Variants in PIK3C2G observed in about 807,000 individuals in gnomAD.
PIK3C2G encodes phosphatidylinositol-4-phosphate 3-kinase catalytic subunit type 2 gamma.
Under a neutral mutation model 181.1 loss-of-function variants are expected in PIK3C2G, and 168 were observed. That is an observed-to-expected ratio of 0.93 (90% CI 0.82 to 1.05). The LOEUF is 1.05. Ranked by LOEUF, PIK3C2G falls within the 50% of genes least tolerant of loss-of-function variation. The probability of loss-of-function intolerance (pLI) is 0.00; values close to 1 mark genes in which losing one functional copy is unlikely to be tolerated. For missense variants in PIK3C2G, 1,869 were observed against 1,732.8 expected, an observed-to-expected ratio of 1.08 and a Z score of -1.40; for synonymous variants, 573 against 592.2, an observed-to-expected ratio of 0.97 and a Z score of 0.47.
At chr12:18,292,228 ATATATATAT>A (rs1374689404) in intron 4 of PIK3C2G, among the ~76,000 whole-genome samples, 3 of 28,628 alleles carry the variant, frequency 1.0e-4, no homozygotes, top group African/African-American at 2.3e-4. Flanking sequence ...AAAAAAAAAA[ATATATATAT>A]ATATATATAT....
rs535749413 is a variant in PIK3C2G, at chr12:18,587,796, C to T, written c.4012-6698C>T. ...ACAAAACAAACACCTGAATAGCCAA[C>T]CCAATCCTAAGCAAAAAACAAAACT... On this transcript the variant is annotated intron_variant, in intron 29 of 32. Transcript: ENST00000538779. 4.0e-4 allele frequency among the ~76,000 whole-genome samples: 60 copies of T among 151,592 alleles called. 1 individual carries two copies. In the South Asian group the frequency reaches 0.011, roughly 28 times the overall value.
intron 11 of PIK3C2G, among the ~76,000 whole-genome samples, chr12:18,349,874 A>G (rs1416882040): frequency 2.6e-5 from 4 of 152,180 alleles, no homozygotes; most frequent in Non-Finnish European, 1.5e-5. Context: ...CTGGCATGCA[A>G]CAGGCACTCG....
At chr12:18,575,465 C>T (rs1428396425) in intron 29 of PIK3C2G, among the ~76,000 whole-genome samples, 4 of 152,174 alleles carry the variant, frequency 2.6e-5, no homozygotes, top group Admixed American at 6.5e-5. Context: ...TGGCCTCCAA[C>T]ATAGCAGGTA....
At chr12:18,498,748 A>T (rs1488772146) in intron 22 of PIK3C2G, among the ~76,000 whole-genome samples, 1 of 152,180 alleles carries the variant, frequency 6.6e-6, no homozygotes, top group Non-Finnish European at 1.5e-5. Context: ...TTAATACCTT[A>T]CAATGACTGC....
chr12:18,681,613 A>G, the PIK3C2G span, among the ~76,000 whole-genome samples: 2 of 152,034 alleles, frequency 1.3e-5, no homozygotes, highest in South Asian at 4.1e-4. Flanking sequence ...AAATTTTAAA[A>G]TGGAACCAAA....
At chr12:18,691,006 T>A in the PIK3C2G span, among the ~76,000 whole-genome samples, 2 of 152,074 alleles carry the variant, frequency 1.3e-5, no homozygotes, top group South Asian at 4.1e-4. Flanking sequence ...AGAATAGATA[T>A]GGAGGACTGA....
intron 25 of PIK3C2G, among the ~76,000 whole-genome samples, chr12:18,541,931 A>C (rs1944174481): frequency 6.6e-6 from 1 of 151,894 alleles, no homozygotes; most frequent in African/African-American, 2.4e-5. Flanking sequence ...GGCACATGTT[A>C]CCTTTAGTCA....
At chr12:18,468,041 C>T (rs928142888) in intron 18 of PIK3C2G, among the ~76,000 whole-genome samples, 3 of 151,972 alleles carry the variant, frequency 2.0e-5, no homozygotes, top group African/African-American at 7.2e-5. Flanking sequence ...ATGACATCAT[C>T]CTGTCACTCA....
At chr12:18,431,163 G>T (rs1293285089) in intron 18 of PIK3C2G, among the ~76,000 whole-genome samples, 52 of 152,122 alleles carry the variant, frequency 3.4e-4, no homozygotes, top group Admixed American at 3.4e-3. Flanking sequence ...GTTAAGTATT[G>T]CTCTCTTCCA....
chr12:18,644,103 C>T (rs1270475734), intron 32 of PIK3C2G, among the ~76,000 whole-genome samples: 1 of 152,112 alleles, frequency 6.6e-6, no homozygotes, highest in Non-Finnish European at 1.5e-5. Context: ...TCCACCCTTC[C>T]CATACTAAGG....
intron 20 of PIK3C2G, 69 bp from the exon 21 acceptor site, chr12:18,495,993 G>C (rs1295064472): frequency 1.4e-6 from 1 of 736,498 alleles, no homozygotes; most frequent in Non-Finnish European, 2.2e-6. Context: ...TTGGGGAAAA[G>C]GTTTGCTTTT....
In PIK3C2G at chr12:18,570,499, T is replaced by G. The variant is rs145688230; in HGVS notation, c.4011+3442T>G. 3.4e-3 allele frequency among the ~76,000 whole-genome samples: 509 copies of G among 150,494 alleles called. 44 individuals are homozygous for G. The highest frequency in any genetic ancestry group is 0.012 in the African/African-American group (488 of 40,182). On this transcript the variant is annotated intron_variant, in intron 29 of 32. Coordinates refer to ENST00000538779, the MANE Select transcript of PIK3C2G (RefSeq NM_001288772.2). ...GCTGGGATTACAGGCGTGATCCCAC[T>G]GTGCCCAGCCTGAGATGCACACTTT...
intron 1 of PIK3C2G, among the ~76,000 whole-genome samples, chr12:18,264,653 A>G (rs1948402145): frequency 6.8e-6 from 1 of 147,644 alleles, no homozygotes; most frequent in South Asian, 2.1e-4. Flanking sequence ...AATAGGAGTA[A>G]TTTTTTTTTT....
At chr12:18,657,020 T>C in the PIK3C2G span, among the ~76,000 whole-genome samples, 1 of 152,070 alleles carries the variant, frequency 6.6e-6, no homozygotes, top group South Asian at 2.1e-4. Flanking sequence ...ATAGATCTCA[T>C]TCTGACCACA....
At chr12:18,614,847 A>G (rs920423338) in intron 31 of PIK3C2G, among the ~76,000 whole-genome samples, 2 of 152,128 alleles carry the variant, frequency 1.3e-5, no homozygotes, top group South Asian at 2.1e-4. Flanking sequence ...CAGTTATACA[A>G]TATGGCCCTC....
intron 18 of PIK3C2G, among the ~76,000 whole-genome samples, chr12:18,476,877 A>C (rs1421917791): frequency 6.6e-6 from 1 of 152,178 alleles, no homozygotes; most frequent in Non-Finnish European, 1.5e-5. Context: ...GATTGAAAAA[A>C]AAAAAGAGTT....
intron 4 of PIK3C2G, 48 bp downstream of exon 4, chr12:18,291,060 T>A: frequency 8.8e-7 from 1 of 1,142,136 alleles, no homozygotes; most frequent in South Asian, 1.5e-5. Flanking sequence ...AAGCTGGTAT[T>A]GGCGACGTAG....
At chr12:18,658,922 C>T in the PIK3C2G span, among the ~76,000 whole-genome samples, 1 of 151,894 alleles carries the variant, frequency 6.6e-6, no homozygotes, top group African/African-American at 2.4e-5. Context: ...TTTTTTTGTA[C>T]ATTTACCTTT....
intron 11 of PIK3C2G, among the ~76,000 whole-genome samples, chr12:18,348,502 T>C (rs73064563): frequency 0.12 from 17,631 of 152,060 alleles, 1,387 homozygotes; most frequent in Admixed American, 0.25. Flanking sequence ...TTTCTGCAAA[T>C]GTTCCTATAA....
Sources: allele counts gnomAD v4.1 joint callset (sites outside exome capture counted in the v4.1 genomes callset), GRCh38; gene constraint gnomAD v4.1.1; transcripts MANE v1.5; gene names NCBI Gene and HGNC (gene_info 2026-07-23, HGNC 2026-07-21).